The following EIF2B3 variants were observed in gnomAD, a reference collection of about 807,000 sequenced individuals.
EIF2B3 encodes the protein eukaryotic translation initiation factor 2B subunit gamma.
Under a neutral mutation model 54.1 loss-of-function variants are expected in EIF2B3, and 20 were observed. The ratio of observed to expected loss-of-function variants is 0.37; its 90% confidence interval spans 0.26 to 0.54. The LOEUF is 0.54. Ranked by LOEUF, EIF2B3 falls within the 20% of genes least tolerant of loss-of-function variation. The pLI, the probability that EIF2B3 is intolerant of heterozygous loss-of-function variation, is 0.86. For missense variants in EIF2B3, 448 were observed against 547.8 expected (o/e 0.82, Z 1.82); for synonymous variants, 153 against 188.1 (o/e 0.81, Z 1.52).
At chr1:44,908,773 AGT>A (rs1425505678) in intron 5 of EIF2B3, among the ~76,000 whole-genome samples, 8 of 152,214 alleles carry the variant, frequency 5.3e-5, no homozygotes, top group Non-Finnish European at 8.8e-5. Flanking sequence ...AGGTTCCAGG[AGT>A]GGCAGAAGAA....
intron 3 of EIF2B3, among the ~76,000 whole-genome samples, chr1:44,945,880 T>G (rs263987): frequency 0.48 from 72,224 of 151,970 alleles, 17,955 homozygotes; most frequent in African/African-American, 0.62. Context: ...TTTGCAAGTT[T>G]ACTGATCTAC....
chr1:44,919,882 A>ATTTTTTTTTTTT (rs1643701790), intron 5 of EIF2B3, among the ~76,000 whole-genome samples: 2 of 106,492 alleles, frequency 1.9e-5, no homozygotes, highest in African/African-American at 6.6e-5. Flanking sequence ...ATGCCTGGCT[A>ATTTTTTTTTTTT]CTTTTTTTTT....
intron 11 of EIF2B3, among the ~76,000 whole-genome samples, chr1:44,856,331 A>G (rs915529873): frequency 2.6e-5 from 4 of 151,810 alleles, no homozygotes; most frequent in African/African-American, 9.7e-5. Context: ...CCTGGGTGAC[A>G]TTGCAAAACC....
chr1:44,930,314 T>C (rs1237408675), intron 4 of EIF2B3, among the ~76,000 whole-genome samples: 2 of 152,182 alleles, frequency 1.3e-5, no homozygotes, highest in East Asian at 3.9e-4. Context: ...ACAGGCAAAT[T>C]TACTCATTAG....
chr1:44,912,004 A>G (rs959682764), intron 5 of EIF2B3, among the ~76,000 whole-genome samples: 5 of 150,458 alleles, frequency 3.3e-5, no homozygotes, highest in African/African-American at 4.9e-5. Flanking sequence ...ATGATTTCCA[A>G]TTTCATCCAT....
chr1:44,901,713 C>T (rs1643310415), intron 5 of EIF2B3, among the ~76,000 whole-genome samples: 2 of 151,820 alleles, frequency 1.3e-5, no homozygotes, highest in South Asian at 2.1e-4. Context: ...GCACGTGACA[C>T]CACACCTGGC....
intron 5 of EIF2B3, among the ~76,000 whole-genome samples, chr1:44,900,177 T>C (rs1408659627): frequency 6.6e-6 from 1 of 152,112 alleles, no homozygotes; most frequent in Non-Finnish European, 1.5e-5. Flanking sequence ...CTGGGAACAG[T>C]GGCTCACACC....
At chr1:44,915,682 GAATAAC>G (rs1213898315) in intron 5 of EIF2B3, among the ~76,000 whole-genome samples, 4 of 151,866 alleles carry the variant, frequency 2.6e-5, no homozygotes, top group Admixed American at 6.6e-5. Flanking sequence ...TATTACCCAG[GAATAAC>G]AATCATTATA....
intron 3 of EIF2B3, among the ~76,000 whole-genome samples, chr1:44,974,809 A>C (rs1031228029): frequency 6.6e-6 from 1 of 152,250 alleles, no homozygotes; most frequent in Non-Finnish European, 1.5e-5. Context: ...AAATACAAAA[A>C]TCAATTGTAT....
intron 3 of EIF2B3, among the ~76,000 whole-genome samples, chr1:44,974,519 C>A (rs1191026818): frequency 6.6e-6 from 1 of 150,722 alleles, no homozygotes; most frequent in African/African-American, 2.4e-5. Flanking sequence ...GGCATGGTGG[C>A]ACATGCCTGT....
Position 44,897,419 on chromosome 1 carries a change from C to T in EIF2B3, c.592G>A (p.Gly198Ser). 1 of 1,613,096 alleles carries T rather than the reference C, an allele frequency of 6.2e-7. No individual in the cohort carries two copies. The highest frequency in any genetic ancestry group is 8.5e-7 in the Non-Finnish European group (1 of 1,179,726). ...QKHPRIRFHT[G>S]LVDAHLYCLK... ...CAGTAGAGGTGGGCATCCACAAGACCCGTGTGGAAACGTATTCTAGGATGC... is the reference window on the plus strand; with the variant it reads ...CAGTAGAGGTGGGCATCCACAAGACTCGTGTGGAAACGTATTCTAGGATGC... The change falls in exon 6 of 12, where the codon GGT (glycine) becomes AGT (serine). Residue 198 changes from glycine (G) to serine (S), a missense_variant. Gly to Ser is a moderately conservative substitution (Grantham distance 56). Coordinates refer to ENST00000360403, the MANE Select transcript of EIF2B3 (RefSeq NM_020365.5).
Position 44,850,568 on chromosome 1 carries a change from G to A in EIF2B3, c.*383C>T, listed in dbSNP as rs1482455677. 3 of 282,232 alleles carry A rather than the reference G, an allele frequency of 1.1e-5. No individual in the cohort carries two copies. The highest frequency in any genetic ancestry group is 6.6e-5 in the African/African-American group (3 of 45,384). The allele number at this position is 282,232 out of a possible 1,614,324, so 17.5% of individuals were successfully genotyped here. Reference sequence around the variant, plus strand: ...GGTCTAGAAAGGCTGATTAGGATAAGGGACTGAAGTACTCCCAGGTCCTTT... The same window carrying A: ...GGTCTAGAAAGGCTGATTAGGATAAAGGACTGAAGTACTCCCAGGTCCTTT... On this transcript the variant is annotated 3_prime_UTR_variant, in exon 12 of 12. Coordinates refer to ENST00000360403, the MANE Select transcript of EIF2B3 (RefSeq NM_020365.5).
rs1287949535 is a variant in EIF2B3 at position 44,881,498 on chromosome 1, G to C, written c.784+114C>G. On this transcript the variant is annotated intron_variant, in intron 7 of 11. Coordinates refer to ENST00000360403, the MANE Select transcript of EIF2B3 (RefSeq NM_020365.5). This position sits in a 1 kb window ranked among gnomAD's most constrained non-coding sequence, Gnocchi z 4.0. ...CAAGCCTGTCTTGCCTCGTAGGCTAGAAATAGTCTGCTGCCTTGAGTCAGG... is the reference window on the plus strand; with the variant it reads ...CAAGCCTGTCTTGCCTCGTAGGCTACAAATAGTCTGCTGCCTTGAGTCAGG... 2 of 1,435,554 alleles carry C rather than the reference G, an allele frequency of 1.4e-6. No individual in the cohort carries two copies. The highest frequency in any genetic ancestry group is 4.7e-5 in the East Asian group (2 of 42,946). The allele number at this position is 1,435,554 out of a possible 1,614,324, so 88.9% of individuals were successfully genotyped here.
At chr1:44,889,169 G>C (rs943158965) in intron 6 of EIF2B3, among the ~76,000 whole-genome samples, 4 of 152,166 alleles carry the variant, frequency 2.6e-5, no homozygotes, top group African/African-American at 9.7e-5. Context: ...GTTACCTTTG[G>C]TTAAGTTCAA....
intron 10 of EIF2B3, among the ~76,000 whole-genome samples, chr1:44,869,980 A>T (rs1654911880): frequency 6.6e-6 from 1 of 151,998 alleles, no homozygotes; most frequent in Non-Finnish European, 1.5e-5. Flanking sequence ...TTTAGGAGGC[A>T]CTCAGGAATT....
intron 5 of EIF2B3, among the ~76,000 whole-genome samples, chr1:44,925,975 C>A (rs899429198): frequency 6.6e-6 from 1 of 151,798 alleles, no homozygotes; most frequent in Non-Finnish European, 1.5e-5. Flanking sequence ...CGCCTGTAAT[C>A]CTAGCACTTT....
At chr1:44,892,349 G>C (rs1339309816) in intron 6 of EIF2B3, among the ~76,000 whole-genome samples, 1 of 152,088 alleles carries the variant, frequency 6.6e-6, no homozygotes, top group Non-Finnish European at 1.5e-5. Flanking sequence ...GGAGGCCTAG[G>C]TGGGAGGATC....
intron 5 of EIF2B3, among the ~76,000 whole-genome samples, chr1:44,901,489 G>C (rs1043971136): frequency 6.6e-6 from 1 of 150,498 alleles, no homozygotes; most frequent in East Asian, 2.0e-4. Context: ...GGCCCCAAGC[G>C]ATCCTCCTGC....
At chr1:44,981,637 A>T (rs1644514271) in intron 1 of EIF2B3, among the ~76,000 whole-genome samples, 2 of 152,126 alleles carry the variant, frequency 1.3e-5, no homozygotes, top group African/African-American at 4.8e-5. Context: ...GTGAATTTTT[A>T]TTCTTTGAAA....
Sources: allele counts gnomAD v4.1 joint callset (sites outside exome capture counted in the v4.1 genomes callset), GRCh38; gene constraint gnomAD v4.1.1; non-coding constraint Gnocchi (gnomAD v3.1); transcripts MANE v1.5; gene names NCBI Gene and HGNC (gene_info 2026-07-23, HGNC 2026-07-21).